ZNF341: variants seen among roughly 807,000 people sequenced by gnomAD.
ZNF341 encodes the protein zinc finger protein 341.
Under a neutral mutation model 87.7 loss-of-function variants are expected in ZNF341, and 52 were observed. That is an observed-to-expected ratio of 0.59 (90% CI 0.47 to 0.75). The LOEUF (loss-of-function observed/expected upper bound fraction) is 0.75. Among genes scored for constraint, ZNF341 ranks in the 30% least tolerant of loss-of-function variants. The pLI is 0.00. For synonymous variants in ZNF341, 459 were observed against 472.7 expected (o/e 0.97, Z 0.38); for missense variants, 977 against 1,145.9 (o/e 0.85, Z 2.13).
chr20:33,761,868 C>G lies in ZNF341; in HGVS notation c.1035C>G (p.Thr345=), dbSNP rs192880441. 4 of 1,541,846 alleles carry G rather than the reference C, an allele frequency of 2.6e-6. No individual in the cohort carries two copies. The highest frequency in any genetic ancestry group is 2.4e-5 in the South Asian group (2 of 83,900). Residue 345 remains threonine, a synonymous_variant, in exon 8 of 15, where the codon ACC becomes ACG. Coordinates refer to ENST00000375200, the MANE Select transcript of ZNF341 (RefSeq NM_001282933.2). ...FDLQQHIRSH[T]GEKPFQCIAC... is the part of the protein sequence containing the mutation. Reference sequence around the variant, plus strand: ...ACAAGCTTGTCTTCCACAGCCACACCGGTGAGAAGCCCTTCCAGTGCATTG... The same window carrying G: ...ACAAGCTTGTCTTCCACAGCCACACGGGTGAGAAGCCCTTCCAGTGCATTG...
At chr20:33,774,001 T>G (rs2122712343) in intron 10 of ZNF341, among the ~76,000 whole-genome samples, 1 of 151,842 alleles carries the variant, frequency 6.6e-6, no homozygotes, top group South Asian at 2.1e-4. Context: ...AAGATTTGGC[T>G]GGGTGCAGTG....
At position 33,757,133 on chromosome 20, in the gene ZNF341, G is replaced by T; in HGVS notation, c.742-15G>T. On this transcript the variant is annotated splice_polypyrimidine_tract_variant and intron_variant, in intron 5 of 14. Transcript: ENST00000375200. ...CCCTGGCAGGGCTTTTTCCCTGACT[G>T]TGTTGTCCTCCTAGGTGCCAAACCA... is the stretch of plus-strand genomic sequence containing the variant. 1 of 1,391,002 alleles carries T rather than the reference G, an allele frequency of 7.2e-7. No individual in the cohort carries two copies. The highest frequency in any genetic ancestry group is 9.4e-7 in the Non-Finnish European group (1 of 1,062,902). 86.2% of individuals were successfully genotyped at this position (1,391,002 alleles called of 1,614,324 possible). A position where few individuals can be genotyped will look rare whatever the true frequency, so the allele number is the denominator to read the frequency against.
rs764733332 is a variant in ZNF341 at position 33,791,378 on chromosome 20, T to G, written c.2426T>G (p.Val809Gly). 1 of 1,612,530 alleles carries G rather than the reference T, an allele frequency of 6.2e-7. No individual in the cohort carries two copies. Among genetic ancestry groups the G allele is most frequent in the Admixed American group, 1.7e-5 (1 of 60,002 alleles). ...CTGTCCATCGTTGTGGGTGGTGCGG[T>G]GGGCGCGGAAACTGAGCTGGTGGTA... ...AVLSIVVGGA[V>G]GAETELVVPG... The change falls in exon 15 of 15, where the codon GTG becomes GGG. Residue 809 changes from valine (V) to glycine (G), a missense_variant. By Grantham distance (109) the Val-to-Gly change is moderately radical. Transcript: ENST00000375200.
chr20:33,787,826 G>T (rs2019899942), intron 12 of ZNF341: 1 of 152,222 alleles, frequency 6.6e-6, no homozygotes, highest in Non-Finnish European at 1.5e-5. Context: ...TTTTTGGAAG[G>T]ATTCAGTTAG....
At chr20:33,733,137 C>T (rs1295823812) in intron 1 of ZNF341, among the ~76,000 whole-genome samples, 1 of 152,036 alleles carries the variant, frequency 6.6e-6, no homozygotes, top group East Asian at 1.9e-4. Flanking sequence ...ACCTCCCCCT[C>T]CCAGGTTTGA....
Position 33,791,186 on chromosome 20 carries a change from G to T in ZNF341, c.2234G>T (p.Arg745Leu). The change falls in exon 15 of 15, where the codon CGG (arginine) becomes CTG (leucine). Residue 745 changes from arginine (R) to leucine (L), a missense_variant. Coordinates refer to ENST00000375200, the MANE Select transcript of ZNF341 (RefSeq NM_001282933.2). ...AAGGACAAGGACCTGCAAACCCGGC[G>T]GCCCCCCCAGAGGAGGGCAGCCCCC... is the stretch of plus-strand genomic sequence containing the variant. ...PQKDKDLQTRRPPQRRAAPRS... is the reference protein window; with the variant it reads ...PQKDKDLQTRLPPQRRAAPRS... 6.2e-7 allele frequency: 1 copy of T among 1,612,996 alleles called. No homozygotes were observed. Among genetic ancestry groups the T allele is most frequent in the African/African-American group, 1.3e-5 (1 of 75,054 alleles).
At chr20:33,752,907 CAA>C (rs11469458) in intron 4 of ZNF341, among the ~76,000 whole-genome samples, 17,806 of 152,112 alleles carry the variant, frequency 0.12, 1,210 homozygotes, top group African/African-American at 0.2. Context: ...CCTCAGCTCC[CAA>C]AGTGTTGGGA....
At chr20:33,781,992 A>G (rs1286520738) in intron 11 of ZNF341, among the ~76,000 whole-genome samples, 2 of 151,834 alleles carry the variant, frequency 1.3e-5, no homozygotes, top group African/African-American at 2.4e-5. Context: ...AATTTTTTGT[A>G]GAGATAGGGC....
Position 33,747,444 on chromosome 20 carries a change from T to C in ZNF341, c.340-1479T>C, listed in dbSNP as rs891454078. ...TCCCGGCTAAAACGGTGAAACCCCG[T>C]CTCTACTAAAAATACAAAAAATTAG... On this transcript the variant is annotated intron_variant, in intron 3 of 14. Coordinates refer to ENST00000375200, the MANE Select transcript of ZNF341 (RefSeq NM_001282933.2). Among the ~76,000 whole-genome samples, 9 of 141,440 alleles carry C rather than the reference T, an allele frequency of 6.4e-5. 1 individual carries two copies. The highest frequency in any genetic ancestry group is 2.8e-4 in the African/African-American group (9 of 32,578). 92.8% of individuals were successfully genotyped at this position (141,440 alleles called of 152,430 possible). A position where few individuals can be genotyped will look rare whatever the true frequency, so the allele number is the denominator to read the frequency against.
In ZNF341 at chr20:33,753,324, G is replaced by A. The variant is rs2019101470; in HGVS notation, c.642G>A (p.Gly214=). Residue 214 remains glycine (G), a synonymous_variant, in exon 5 of 15, where the codon GGG becomes GGA. Transcript: ENST00000375200. ...LGPPGRPNPG[G]NGVVEVYSAA... Reference sequence around the variant, plus strand: ...CCCCTGGGCGTCCCAACCCTGGTGGGAACGGTGTGGTGGAGGTGTACAGTG... The same window carrying A: ...CCCCTGGGCGTCCCAACCCTGGTGGAAACGGTGTGGTGGAGGTGTACAGTG... 6.2e-7 allele frequency: 1 copy of A among 1,610,870 alleles called. No individual in the cohort carries two copies. Among genetic ancestry groups the A allele is most frequent in the Admixed American group, 1.7e-5 (1 of 59,110 alleles).
chr20:33,743,732 T>C (rs2122641984), intron 2 of ZNF341, among the ~76,000 whole-genome samples: 1 of 152,364 alleles, frequency 6.6e-6, no homozygotes, highest in Non-Finnish European at 1.5e-5. Context: ...TGTTGGGTGC[T>C]TGACACAGTG....
chr20:33,743,810 T>C (rs1306385549), intron 2 of ZNF341, among the ~76,000 whole-genome samples: 1 of 152,236 alleles, frequency 6.6e-6, no homozygotes, highest in East Asian at 1.9e-4. Context: ...CATTTAGTTT[T>C]TCATTCATTC....
chr20:33,759,393 C>T (rs1174199246), intron 7 of ZNF341, among the ~76,000 whole-genome samples: 1 of 152,110 alleles, frequency 6.6e-6, no homozygotes, highest in East Asian at 1.9e-4. Flanking sequence ...CATGTGATTC[C>T]ACTGCCTCAG....
rs1392154543 is a variant in ZNF341, at chr20:33,757,351, C to T, written c.937+8C>T. ...CCAGGGGACTCCCGGAAGGTGGGCCCCCAGCCTGCCATGGGCATCTTTCCT... is the reference window on the plus strand; with the variant it reads ...CCAGGGGACTCCCGGAAGGTGGGCCTCCAGCCTGCCATGGGCATCTTTCCT... On this transcript the variant is annotated splice_region_variant and intron_variant, in intron 6 of 14. Transcript: ENST00000375200. 14 of 1,456,812 alleles carry T rather than the reference C, an allele frequency of 9.6e-6. No individual in the cohort carries two copies. The highest frequency in any genetic ancestry group is 1.2e-5 in the Non-Finnish European group (13 of 1,098,176). The allele number at this position is 1,456,812 out of a possible 1,614,324, so 90.2% of individuals were successfully genotyped here.
chr20:33,745,441 C>T, intron 3 of ZNF341, 142 bp downstream of exon 3: 2 of 802,964 alleles, frequency 2.5e-6, no homozygotes, highest in South Asian at 1.9e-5. Flanking sequence ...GGATGGTGCA[C>T]ATGTACTGTT....
chr20:33,746,904 G>C (rs752240147), intron 3 of ZNF341, among the ~76,000 whole-genome samples: 5 of 152,154 alleles, frequency 3.3e-5, no homozygotes, highest in Admixed American at 6.5e-5. Flanking sequence ...GAAGGTTTTG[G>C]GGGGATGTCA....
At chr20:33,746,673 C>T (rs2122649145) in intron 3 of ZNF341, among the ~76,000 whole-genome samples, 1 of 152,178 alleles carries the variant, frequency 6.6e-6, no homozygotes, top group East Asian at 1.9e-4. Context: ...GCCAGGAGAC[C>T]CGTTGAGGGA....
rs1343226961 is a variant in ZNF341 at position 33,789,703 on chromosome 20, G to A, written c.2035+115G>A. The stretch of plus-strand genomic sequence containing the variant: ...CTGTGAGGCTTGTTTTCCCTGCCTG[G>A]CACATTCCAGCCAGCACTTTCACTT... On this transcript the variant is annotated intron_variant, in intron 14 of 14. Coordinates refer to ENST00000375200, the MANE Select transcript of ZNF341 (RefSeq NM_001282933.2). 6 of 1,128,324 alleles carry A rather than the reference G, an allele frequency of 5.3e-6. No homozygotes were observed. The Admixed American group carries it at 5.9e-5, about 11-fold the overall frequency. The allele number at this position is 1,128,324 out of a possible 1,614,324, so 69.9% of individuals were successfully genotyped here.
chr20:33,764,487 G>GTA (rs994082243), intron 8 of ZNF341, among the ~76,000 whole-genome samples: 6 of 139,480 alleles, frequency 4.3e-5, no homozygotes, highest in African/African-American at 1.3e-4. Flanking sequence ...GTGTATGTGT[G>GTA]TATATATATA....
Sources: allele counts gnomAD v4.1 joint callset (sites outside exome capture counted in the v4.1 genomes callset), GRCh38; gene constraint gnomAD v4.1.1; transcripts MANE v1.5; gene names NCBI Gene and HGNC (gene_info 2026-07-23, HGNC 2026-07-21).